Variants in CBR4 observed in about 807,000 individuals in gnomAD.
CBR4 encodes 3-oxoacyl-[acyl-carrier-protein] reductase.
CBR4 carries 22 observed loss-of-function variants against 21.0 expected under a neutral mutation model. That is an observed-to-expected ratio of 1.05 (90% confidence interval 0.75 to 1.50). The LOEUF (loss-of-function observed/expected upper bound fraction) is 1.50. Ranked by LOEUF, CBR4 falls within the 40% of genes most tolerant of loss-of-function variation. The probability of loss-of-function intolerance (pLI) is 0.00; values close to 1 mark genes in which losing one functional copy is unlikely to be tolerated. For synonymous variants in CBR4, 100 were observed against 104.4 expected (o/e 0.96, Z 0.26); for missense variants, 302 against 286.3 (o/e 1.05, Z -0.40).
chr4:169,000,572 CTCTT>C (rs1730348133), intron 4 of CBR4, among the ~76,000 whole-genome samples: 1 of 152,158 alleles, frequency 6.6e-6, no homozygotes, highest in South Asian at 2.1e-4. Flanking sequence ...CTTCAGCCCT[CTCTT>C]TCTTACAAAG....
intron 2 of CBR4, among the ~76,000 whole-genome samples, chr4:168,967,525 C>A (rs1344394173): frequency 6.6e-6 from 1 of 152,070 alleles, no homozygotes; most frequent in Non-Finnish European, 1.5e-5. Flanking sequence ...ACAGGGAGTT[C>A]TATTATTATG....
intron 4 of CBR4, among the ~76,000 whole-genome samples, chr4:169,000,835 AC>A (rs1359993348): frequency 6.6e-6 from 1 of 152,182 alleles, no homozygotes; most frequent in Non-Finnish European, 1.5e-5. Flanking sequence ...ATCAACTAGT[AC>A]CCTGGCGAAA....
chr4:168,935,549 G>A (rs767956134), intron 2 of CBR4, among the ~76,000 whole-genome samples: 4 of 152,118 alleles, frequency 2.6e-5, no homozygotes, highest in Non-Finnish European at 4.4e-5. Flanking sequence ...TTCTGAAGTC[G>A]ACCTGGGACA....
At chr4:168,908,612 T>G (rs942051853) in intron 2 of CBR4, among the ~76,000 whole-genome samples, 2 of 152,188 alleles carry the variant, frequency 1.3e-5, no homozygotes, top group Admixed American at 6.5e-5. Flanking sequence ...TTTAGTTACC[T>G]TAAATTTTGA....
intron 2 of CBR4, chr4:168,925,315 G>A: frequency 2.0e-6 from 3 of 1,479,824 alleles, no homozygotes; most frequent in South Asian, 1.1e-5. Context: ...AGCAAAATAT[G>A]CATGTTGATT....
rs1341755799 is a variant in CBR4, at chr4:168,999,948, G to A, written c.535+2123C>T. On this transcript the variant is annotated intron_variant, in intron 4 of 4. Transcript: ENST00000306193. ...GTGCAGAAATATCTTATTCATTCCT[G>A]TAATTTGGGGAGCTAGCTCAGTCCC... is the stretch of plus-strand genomic sequence containing the variant. 3.3e-5 allele frequency among the ~76,000 whole-genome samples: 5 copies of A among 151,998 alleles called. No individual in the cohort carries two copies. In the South Asian group the frequency reaches 8.3e-4, roughly 25 times the overall value.
Position 168,990,054 on chromosome 4 carries a change from G to C in CBR4, c.*96C>G. The C allele has an allele frequency of 1.5e-6, 2 of 1,339,464 alleles. No individual in the cohort carries two copies. The highest frequency in any genetic ancestry group is 1.9e-6 in the Non-Finnish European group (2 of 1,036,176). The allele number at this position is 1,339,464 out of a possible 1,614,324, so 83.0% of individuals were successfully genotyped here. On this transcript the variant is annotated 3_prime_UTR_variant, in exon 5 of 5. Transcript: ENST00000306193. ...TAACATTTGTAGCATCAGCAGGTTTGATTAGCACATGTTACCCATGTAGGT... is the reference window on the plus strand; with the variant it reads ...TAACATTTGTAGCATCAGCAGGTTTCATTAGCACATGTTACCCATGTAGGT...
chr4:168,901,938 G>A (rs1347096159), intron 2 of CBR4, among the ~76,000 whole-genome samples: 1 of 152,124 alleles, frequency 6.6e-6, no homozygotes, highest in East Asian at 1.9e-4. Context: ...ACAACTCAAA[G>A]TTATTAGTCT....
chr4:168,981,710 A>G (rs891698970), intron 2 of CBR4, among the ~76,000 whole-genome samples: 1 of 152,244 alleles, frequency 6.6e-6, no homozygotes, highest in African/African-American at 2.4e-5. Flanking sequence ...CTAACAACAG[A>G]ACTTTCAGCA....
chr4:168,956,961 A>C (rs1430886985), intron 2 of CBR4, among the ~76,000 whole-genome samples: 1 of 152,212 alleles, frequency 6.6e-6, no homozygotes, highest in Non-Finnish European at 1.5e-5. Flanking sequence ...GTAGTATAAG[A>C]CATCACTCAA....
intron 3 of CBR4, among the ~76,000 whole-genome samples, chr4:169,006,238 G>C (rs1366873233): frequency 3.3e-5 from 5 of 152,020 alleles, no homozygotes; most frequent in Admixed American, 6.6e-5. Context: ...TTCCTGGCTG[G>C]GCACGTGGCT....
chr4:168,940,810 G>T (rs1763242125), intron 2 of CBR4, among the ~76,000 whole-genome samples: 1 of 152,180 alleles, frequency 6.6e-6, no homozygotes, highest in African/African-American at 2.4e-5. Context: ...GGAGAAATAG[G>T]AACACTTTTA....
intron 2 of CBR4, among the ~76,000 whole-genome samples, chr4:168,921,185 C>T (rs1761410904): frequency 6.6e-6 from 1 of 152,018 alleles, no homozygotes. Context: ...GCAGGCGGAT[C>T]ACCTGAGGTC....
At position 168,950,737 on chromosome 4, in the gene CBR4, T is replaced by G. The variant is rs1357866095; in HGVS notation, n.169+51334A>C. Among the ~76,000 whole-genome samples, 4 of 152,248 alleles carry G rather than the reference T, an allele frequency of 2.6e-5. 1 individual carries two copies. Among genetic ancestry groups the G allele is most frequent in the Non-Finnish European group, 4.4e-5 (3 of 68,042 alleles). On this transcript the variant is annotated intron_variant and non_coding_transcript_variant, in intron 2 of 3. Transcript: ENST00000509108. The stretch of plus-strand genomic sequence containing the variant: ...TGCTTTCTATCTCATTTATTAGGTC[T>G]GTTAGTAATTGTTTTATAAAACTGG...
intron 2 of CBR4, among the ~76,000 whole-genome samples, chr4:168,941,986 A>T (rs1582299025): frequency 6.6e-6 from 1 of 152,324 alleles, no homozygotes; most frequent in East Asian, 1.9e-4. Context: ...ACCAACCCAA[A>T]TGCCCATAAA....
chr4:168,923,424 T>C (rs1379440434), intron 2 of CBR4, among the ~76,000 whole-genome samples: 1 of 152,228 alleles, frequency 6.6e-6, no homozygotes, highest in Non-Finnish European at 1.5e-5. Flanking sequence ...CTCAGATTCA[T>C]TGTTGGTAGT....
At chr4:168,956,872 G>A (rs1057458985) in intron 2 of CBR4, among the ~76,000 whole-genome samples, 2 of 152,000 alleles carry the variant, frequency 1.3e-5, no homozygotes, top group South Asian at 2.1e-4. Context: ...TGCAAAATAC[G>A]TGAAACCCTA....
intron 1 of CBR4, among the ~76,000 whole-genome samples, chr4:169,008,797 G>A (rs1003082979): frequency 6.6e-6 from 1 of 152,150 alleles, no homozygotes; most frequent in Non-Finnish European, 1.5e-5. Context: ...GAATGGTAAG[G>A]AATATGAGCT....
intron 2 of CBR4, among the ~76,000 whole-genome samples, chr4:168,910,184 G>A (rs1205833461): frequency 6.7e-6 from 1 of 149,634 alleles, no homozygotes; most frequent in Admixed American, 6.7e-5. Flanking sequence ...GTGTAGAAAT[G>A]TGTGACCTTT....
Sources: allele counts gnomAD v4.1 joint callset (sites outside exome capture counted in the v4.1 genomes callset), GRCh38; gene constraint gnomAD v4.1.1; transcripts MANE v1.5; gene names NCBI Gene and HGNC (gene_info 2026-07-23, HGNC 2026-07-21).